The following MTMR3 variants were observed in gnomAD, a reference collection of about 807,000 sequenced individuals.
The protein encoded by MTMR3 is phosphatidylinositol-3,5-bisphosphate 3-phosphatase MTMR3.
Under a neutral mutation model 132.4 loss-of-function variants are expected in MTMR3, and 32 were observed. The ratio of observed to expected loss-of-function variants is 0.24; its 90% CI spans 0.18 to 0.32. The LOEUF (loss-of-function observed/expected upper bound fraction) is 0.32, where lower values mean the gene tolerates loss of function less well. Among genes scored for constraint, MTMR3 ranks in the 10% least tolerant of loss-of-function variants. The pLI is 1.00. For synonymous variants in MTMR3, 556 were observed against 550.3 expected (o/e 1.01, Z -0.14); for missense variants, 1,216 against 1,489.6 (o/e 0.82, Z 3.02).
At chr22:29,887,021 T>A (rs1286690303) in intron 1 of MTMR3, among the ~76,000 whole-genome samples, 3 of 152,236 alleles carry the variant, frequency 2.0e-5, no homozygotes, top group Non-Finnish European at 4.4e-5. Context: ...TGGATTGAAC[T>A]AGAACTCCCA....
chr22:29,910,163 C>T (rs1194577461), intron 1 of MTMR3, among the ~76,000 whole-genome samples: 1 of 98,006 alleles, frequency 1.0e-5, no homozygotes, highest in Non-Finnish European at 2.2e-5. Flanking sequence ...GACTCCATCT[C>T]AAAAAAAAAA....
intron 1 of MTMR3, among the ~76,000 whole-genome samples, chr22:29,929,656 C>T (rs1355414644): frequency 1.3e-5 from 2 of 151,892 alleles, no homozygotes; most frequent in African/African-American, 2.4e-5. Context: ...ACTACAGTTG[C>T]GTGCCACCAT....
At chr22:29,987,944 G>A (rs2066890252) in intron 5 of MTMR3, 1 of 152,372 alleles carries the variant, frequency 6.6e-6, no homozygotes, top group Non-Finnish European at 1.5e-5. Context: ...TTGCCCCATT[G>A]TCTTTTCTGT....
At chr22:29,952,088 A>C (rs1453647976) in intron 1 of MTMR3, among the ~76,000 whole-genome samples, 5 of 151,940 alleles carry the variant, frequency 3.3e-5, no homozygotes, top group African/African-American at 4.8e-5. Flanking sequence ...TGATGGTTTC[A>C]TCATGTTGCC....
intron 4 of MTMR3, 79 bp from the exon 5 acceptor site, chr22:29,978,857 T>C: frequency 2.9e-6 from 3 of 1,021,398 alleles, no homozygotes; most frequent in Non-Finnish European, 4.5e-6. Context: ...GGATTTACCA[T>C]CCATTCAGCC....
rs138823197 is a variant in MTMR3 at position 30,019,592 on chromosome 22, C to G, written c.1933C>G (p.Arg645Gly). ...PSLNEKWQEH[R>G]RSLELSSLAG... Reference sequence around the variant, plus strand: ...CCTGAACGAGAAGTGGCAGGAGCACCGGCGCTCACTAGAGCTGAGCAGCCT... The same window carrying G: ...CCTGAACGAGAAGTGGCAGGAGCACGGGCGCTCACTAGAGCTGAGCAGCCT... Residue 645 changes from arginine (R) to glycine (G), a missense_variant, in exon 17 of 20, where the codon CGG becomes GGG. Transcript: ENST00000401950. 6.2e-7 allele frequency: 1 copy of G among 1,613,820 alleles called. No homozygotes were observed. The highest frequency in any genetic ancestry group is 1.7e-5 in the Admixed American group (1 of 60,006).
At position 29,886,095 on chromosome 22, in the gene MTMR3, A is replaced by G. The variant is rs376151272; in HGVS notation, c.-138+2736A>G. On this transcript the variant is annotated intron_variant, in intron 1 of 19. Transcript: ENST00000401950. Reference sequence around the variant, plus strand: ...TTATCCGCATATTCTGTGCCCTCAGATATTTTTTAATTAAGTGAATACTAT... The same window carrying G: ...TTATCCGCATATTCTGTGCCCTCAGGTATTTTTTAATTAAGTGAATACTAT... Among the ~76,000 whole-genome samples the G allele has an allele frequency of 2.6e-4, 40 of 152,284 alleles. No individual in the cohort carries two copies. In the South Asian group the frequency reaches 7.9e-3, roughly 30 times the overall value.
intron 1 of MTMR3, among the ~76,000 whole-genome samples, chr22:29,923,700 G>A (rs2065463535): frequency 6.6e-6 from 1 of 152,122 alleles, no homozygotes; most frequent in Admixed American, 6.6e-5. Flanking sequence ...GAGGTCTCTG[G>A]TGTCTTGTCT....
chr22:29,917,629 T>G (rs1209612118), intron 1 of MTMR3, among the ~76,000 whole-genome samples: 1 of 152,236 alleles, frequency 6.6e-6, no homozygotes, highest in Admixed American at 6.5e-5. Context: ...TGTTCACCAG[T>G]AGGTTTATTT....
chr22:29,894,772 G>T (rs2064861772), intron 1 of MTMR3, among the ~76,000 whole-genome samples: 1 of 152,184 alleles, frequency 6.6e-6, no homozygotes, highest in Non-Finnish European at 1.5e-5. Context: ...TAGAGTTTAA[G>T]TGATTAGAGC....
chr22:30,016,800 T>A, intron 15 of MTMR3, 102 bp downstream of exon 15: 1 of 1,303,562 alleles, frequency 7.7e-7, no homozygotes, highest in Non-Finnish European at 1.1e-6. Flanking sequence ...TGAAGACATC[T>A]CTACTGTCTC....
intron 1 of MTMR3, among the ~76,000 whole-genome samples, chr22:29,923,020 G>A (rs1480994589): frequency 3.3e-5 from 5 of 149,760 alleles, no homozygotes; most frequent in African/African-American, 4.9e-5. Context: ...GACCACAGGT[G>A]CACACTACCA....
intron 1 of MTMR3, among the ~76,000 whole-genome samples, chr22:29,931,769 G>A (rs547170914): frequency 8.6e-5 from 12 of 138,774 alleles, no homozygotes; most frequent in African/African-American, 3.1e-4. Context: ...CCTAGAAGGG[G>A]AGAGAGAATC....
At chr22:29,965,438 A>T (rs186030642) in intron 2 of MTMR3, among the ~76,000 whole-genome samples, 10 of 152,292 alleles carry the variant, frequency 6.6e-5, no homozygotes, top group African/African-American at 2.2e-4. Flanking sequence ...TGGCTCACAC[A>T]CTTTGGGAGG....
intron 1 of MTMR3, among the ~76,000 whole-genome samples, chr22:29,894,868 A>C (rs536879777): frequency 6.6e-6 from 1 of 152,178 alleles, no homozygotes; most frequent in Non-Finnish European, 1.5e-5. Flanking sequence ...AAAAGGTTAG[A>C]TTTCTGGGTT....
At chr22:29,916,551 G>A (rs2145759076) in intron 1 of MTMR3, among the ~76,000 whole-genome samples, 1 of 78,936 alleles carries the variant, frequency 1.3e-5, no homozygotes, top group African/African-American at 5.5e-5. Flanking sequence ...TCTTCTCTCA[G>A]GGATCACAGT....
intron 7 of MTMR3, 186 bp from the exon 8 acceptor site, chr22:29,998,575 G>A (rs932520530): frequency 6.9e-5 from 19 of 276,062 alleles, no homozygotes; most frequent in African/African-American, 3.4e-4. Flanking sequence ...CCTGGGAGGC[G>A]GAAGTTTCAG....
At chr22:29,928,630 A>G (rs536476464) in intron 1 of MTMR3, among the ~76,000 whole-genome samples, 2 of 151,914 alleles carry the variant, frequency 1.3e-5, no homozygotes, top group African/African-American at 4.8e-5. Flanking sequence ...GGCTGTTTCT[A>G]GTTTTTTGTT....
At chr22:29,913,078 A>G (rs1427977254) in intron 1 of MTMR3, among the ~76,000 whole-genome samples, 1 of 152,042 alleles carries the variant, frequency 6.6e-6, no homozygotes, top group Non-Finnish European at 1.5e-5. Flanking sequence ...GACCCCCTCT[A>G]CAAAATAATA....
Sources: allele counts gnomAD v4.1 joint callset (sites outside exome capture counted in the v4.1 genomes callset), GRCh38; gene constraint gnomAD v4.1.1; transcripts MANE v1.5; gene names NCBI Gene and HGNC (gene_info 2026-07-23, HGNC 2026-07-21).